Variants in EFNB2 observed in about 807,000 individuals in gnomAD.
The protein encoded by EFNB2 is ephrin B2.
EFNB2 carries 5 observed loss-of-function variants against 32.1 expected under a neutral mutation model. The observed-to-expected ratio is 0.16, with a 90% CI of 0.08 to 0.33. EFNB2 has a LOEUF of 0.33. Ranked by LOEUF, EFNB2 falls within the 10% of genes least tolerant of loss-of-function variation. EFNB2 has a pLI of 1.00. For missense variants in EFNB2, 263 were observed against 422.6 expected, an observed-to-expected ratio of 0.62 and a Z score of 3.31; for synonymous variants, 168 against 166.5, an observed-to-expected ratio of 1.01 and a Z score of -0.07.
Position 106,492,870 on chromosome 13 carries a change from C to A in EFNB2, c.*170G>T. 1 of 847,418 alleles carries A rather than the reference C, an allele frequency of 1.2e-6. No homozygotes were observed. Among genetic ancestry groups the A allele is most frequent in the South Asian group, 1.9e-5 (1 of 54,012 alleles). 52.5% of individuals were successfully genotyped at this position (847,418 alleles called of 1,614,324 possible). On this transcript the variant is annotated 3_prime_UTR_variant, in exon 5 of 5. Transcript: ENST00000646441. This position sits in a 1 kb window ranked among gnomAD's most constrained non-coding sequence, Gnocchi z 5.1. ...GTGTGTTCACCAAGGCCGAATGCTA[C>A]AAGACTAGGTAAGCTGTCCAGCGCG...
At chr13:106,530,672 A>C (rs1027986309) in intron 1 of EFNB2, among the ~76,000 whole-genome samples, 10 of 152,164 alleles carry the variant, frequency 6.6e-5, no homozygotes, top group African/African-American at 2.4e-4. Context: ...TGCCACTCCC[A>C]TTCCTATGAC....
intron 2 of EFNB2, among the ~76,000 whole-genome samples, chr13:106,507,627 AAAAAAAT>A (rs926177968): frequency 6.6e-4 from 94 of 142,394 alleles, no homozygotes; most frequent in African/African-American, 2.9e-3. Context: ...CTTTATTAAA[AAAAAAAT>A]AAAAAATAAA....
chr13:106,527,009 C>T (rs994978132), intron 1 of EFNB2, among the ~76,000 whole-genome samples: 2 of 152,134 alleles, frequency 1.3e-5, no homozygotes, highest in Non-Finnish European at 2.9e-5. Context: ...CACACATCCA[C>T]CCCTGCCAAA....
At chr13:106,515,298 T>C (rs1879276694) in intron 1 of EFNB2, among the ~76,000 whole-genome samples, 2 of 152,178 alleles carry the variant, frequency 1.3e-5, no homozygotes, top group African/African-American at 2.4e-5. Flanking sequence ...ACGCCAGGCC[T>C]TCCTTGATGT....
rs560139616 is a variant in EFNB2 at position 106,525,919 on chromosome 13, A to T, written c.122+8924T>A. On this transcript the variant is annotated intron_variant, in intron 1 of 4. Coordinates refer to ENST00000646441, the MANE Select transcript of EFNB2 (RefSeq NM_004093.4). ...TCCCTGATGCTCCCCCAACAAGGCA[A>T]GGACTACAGATTTCTTCAGAGATCC... Among the ~76,000 whole-genome samples the T allele has an allele frequency of 3.9e-5, 6 of 152,346 alleles. No homozygotes were observed. In the South Asian group the frequency reaches 1.2e-3, roughly 32 times the overall value.
intron 1 of EFNB2, among the ~76,000 whole-genome samples, chr13:106,524,012 A>C (rs1327005745): frequency 1.3e-5 from 2 of 152,202 alleles, no homozygotes; most frequent in Non-Finnish European, 2.9e-5. Flanking sequence ...AATGTTACCA[A>C]AGGAATACTA....
rs1298680307 is a variant in EFNB2 at position 106,518,901 on chromosome 13, AAATCG to A, written c.123-6094_123-6090del. 1 of 152,238 alleles carries A rather than the reference AAATCG, an allele frequency of 6.6e-6. No homozygotes were observed. The highest frequency in any genetic ancestry group is 1.5e-5 in the Non-Finnish European group (1 of 68,070). 9.4% of individuals were successfully genotyped at this position (152,238 alleles called of 1,614,324 possible). A position where few individuals can be genotyped will look rare whatever the true frequency, so the allele number is the denominator to read the frequency against. ...TGTAGATTAACCGAGAAGAAAACCC[AAATCG>A]CTGGGGGGCCACTTGATGCTGCTGT... On this transcript the variant is annotated intron_variant, in intron 1 of 4. Coordinates refer to ENST00000646441, the MANE Select transcript of EFNB2 (RefSeq NM_004093.4). The surrounding 1 kb of genome is among the most constrained non-coding windows in gnomAD (Gnocchi z 4.1).
At chr13:106,494,030 A>G (rs1028321719) in intron 4 of EFNB2, among the ~76,000 whole-genome samples, 3 of 152,254 alleles carry the variant, frequency 2.0e-5, no homozygotes, top group African/African-American at 7.2e-5. Flanking sequence ...ACAGACTGCC[A>G]GCCCAAATGT....
chr13:106,514,808 C>G (rs1870430905), intron 1 of EFNB2, among the ~76,000 whole-genome samples: 1 of 152,158 alleles, frequency 6.6e-6, no homozygotes, highest in Admixed American at 6.5e-5. Context: ...TCCTAAATTA[C>G]AAGCCCTGGG....
intron 1 of EFNB2, chr13:106,517,476 G>A (rs908678902): frequency 6.6e-6 from 1 of 152,154 alleles, no homozygotes; most frequent in African/African-American, 2.4e-5. Flanking sequence ...AGCCAGACCA[G>A]TTCCATCCCT....
At chr13:106,521,559 ATTTTC>A (rs1420693334) in intron 1 of EFNB2, 1 of 152,054 alleles carries the variant, frequency 6.6e-6, no homozygotes, top group Non-Finnish European at 1.5e-5. Context: ...AACACAATCC[ATTTTC>A]CTCTGTCAGT....
rs1880031160 is a variant in EFNB2 at position 106,535,176 on chromosome 13, G to T, written c.-212C>A. 4.1e-6 allele frequency: 1 copy of T among 241,822 alleles called. No homozygotes were observed. The highest frequency in any genetic ancestry group is 2.3e-5 in the African/African-American group (1 of 42,662). The allele number at this position is 241,822 out of a possible 1,614,324, so 15.0% of individuals were successfully genotyped here. On this transcript the variant is annotated 5_prime_UTR_variant, in exon 1 of 5. Transcript: ENST00000646441. ...GGCGCGGGGCGGGAGCGCACGCGCG[G>T]GGCGCGGCGGCGCGGCGGACTCGGG... is the stretch of plus-strand genomic sequence containing the variant.
At chr13:106,530,397 C>T (rs183237396) in intron 1 of EFNB2, among the ~76,000 whole-genome samples, 26 of 152,204 alleles carry the variant, frequency 1.7e-4, no homozygotes, top group African/African-American at 6.0e-4. Context: ...GGCTCTACTC[C>T]GCTACACAAA....
chr13:106,509,216 T>C (rs1594168007), intron 2 of EFNB2, among the ~76,000 whole-genome samples: 2 of 152,246 alleles, frequency 1.3e-5, no homozygotes, highest in Admixed American at 6.5e-5. Flanking sequence ...GTTTAATTCT[T>C]CTGAAATGCT....
In EFNB2 at chr13:106,535,103, G is replaced by C; in HGVS notation, c.-139C>G. 1 of 1,174,236 alleles carries C rather than the reference G, an allele frequency of 8.5e-7. No homozygotes were observed. Among genetic ancestry groups the C allele is most frequent in the Non-Finnish European group, 1.1e-6 (1 of 890,424 alleles). The allele number at this position is 1,174,236 out of a possible 1,614,324, so 72.7% of individuals were successfully genotyped here. On this transcript the variant is annotated 5_prime_UTR_variant, in exon 1 of 5. Transcript: ENST00000646441. ...AGGCAGCTCCGAGGCGCGCTGCGCAGCTCCAGCGGTCGCCGGGCCAGGTGC... is the reference window on the plus strand; with the variant it reads ...AGGCAGCTCCGAGGCGCGCTGCGCACCTCCAGCGGTCGCCGGGCCAGGTGC...
At chr13:106,494,715 T>C (rs1185644635) in intron 4 of EFNB2, among the ~76,000 whole-genome samples, 166 bp downstream of exon 4, 2 of 152,230 alleles carry the variant, frequency 1.3e-5, no homozygotes, top group East Asian at 1.9e-4. Context: ...TTTGTTCTTA[T>C]TGAGTGTAAT....
At chr13:106,494,822 G>A in intron 4 of EFNB2, 59 bp downstream of exon 4, 1 of 1,326,130 alleles carries the variant, frequency 7.5e-7, no homozygotes, top group South Asian at 1.2e-5. Flanking sequence ...TACCTTTTAA[G>A]ATACTACTAA....
rs1880023759 is a variant in EFNB2, at chr13:106,535,028, G to GA, written c.-65dup. 14 of 1,597,200 alleles carry GA rather than the reference G, an allele frequency of 8.8e-6. No individual in the cohort carries two copies. The highest frequency in any genetic ancestry group is 1.2e-5 in the Non-Finnish European group (14 of 1,172,792). On this transcript the variant is annotated 5_prime_UTR_variant, in exon 1 of 5. Coordinates refer to ENST00000646441, the MANE Select transcript of EFNB2 (RefSeq NM_004093.4). ...AAGGGACTGACGGGACGCAGGCTGG[G>GA]ACCCCCAATCCTCCGGGGCAGACTG...
chr13:106,492,565 A>C lies in EFNB2; in HGVS notation c.*475T>G, dbSNP rs920734255. 6.2e-6 allele frequency: 1 copy of C among 161,666 alleles called. No homozygotes were observed. Among genetic ancestry groups the C allele is most frequent in the African/African-American group, 2.4e-5 (1 of 41,746 alleles). 10.0% of individuals were successfully genotyped at this position (161,666 alleles called of 1,614,324 possible). ...TGAGACAGTAAGGACTAAACTCTAG[A>C]GATCTTTGCACACCTTAACTAGCCC... is the stretch of plus-strand genomic sequence containing the variant. On this transcript the variant is annotated 3_prime_UTR_variant, in exon 5 of 5. Coordinates refer to ENST00000646441, the MANE Select transcript of EFNB2 (RefSeq NM_004093.4). This position sits in a 1 kb window ranked among gnomAD's most constrained non-coding sequence, Gnocchi z 5.1.
Sources: allele counts gnomAD v4.1 joint callset (sites outside exome capture counted in the v4.1 genomes callset), GRCh38; gene constraint gnomAD v4.1.1; non-coding constraint Gnocchi (gnomAD v3.1); transcripts MANE v1.5; gene names NCBI Gene and HGNC (gene_info 2026-07-23, HGNC 2026-07-21).